The following HIP1 variants were observed in gnomAD, a reference collection of about 807,000 sequenced individuals.
HIP1 encodes huntingtin-interacting protein 1.
Under a neutral mutation model 147.6 loss-of-function variants are expected in HIP1, and 65 were observed. That is an observed-to-expected ratio of 0.44 (90% CI 0.36 to 0.54). The LOEUF (loss-of-function observed/expected upper bound fraction) is 0.54, where lower values mean the gene tolerates loss of function less well. HIP1 is among the 20% of genes least tolerant of loss of function. The probability of loss-of-function intolerance (pLI) is 0.00; values close to 1 mark genes in which losing one functional copy is unlikely to be tolerated. For synonymous variants in HIP1, 479 were observed against 504.0 expected, an observed-to-expected ratio of 0.95 and a Z score of 0.67; for missense variants, 1,061 against 1,299.6, an observed-to-expected ratio of 0.82 and a Z score of 2.82.
At chr7:75,645,426 C>T (rs781931926) in intron 1 of HIP1, among the ~76,000 whole-genome samples, 1 of 152,036 alleles carries the variant, frequency 6.6e-6, no homozygotes, top group African/African-American at 2.4e-5. Flanking sequence ...GGGGTTTCAC[C>T]ATGTGGGCCA....
Position 75,567,679 on chromosome 7 carries a change from T to C in HIP1, c.803+520A>G, listed in dbSNP as rs587676656. ...AGCTGGGCATGGTGGTGTGTGCCTG[T>C]AGTCTCAGCTACTCGAGAGGCTGAT... On this transcript the variant is annotated intron_variant, in intron 9 of 30. Transcript: ENST00000336926. Among the ~76,000 whole-genome samples the C allele has an allele frequency of 1.6e-4, 24 of 151,696 alleles. No homozygotes were observed. The South Asian group carries it at 2.1e-3, about 13-fold the overall frequency.
In HIP1 at chr7:75,538,160, G is replaced by A. The variant is rs1554489146; in HGVS notation, c.*12C>T. ...AAGGATTTACACTGACATATGGGGT[G>A]TTGGTTTGGCTCTATTCTTTTTCGG... On this transcript the variant is annotated 3_prime_UTR_variant, in exon 31 of 31. Coordinates refer to ENST00000336926, the MANE Select transcript of HIP1 (RefSeq NM_005338.7). 6.2e-7 allele frequency: 1 copy of A among 1,604,976 alleles called. No individual in the cohort carries two copies. The highest frequency in any genetic ancestry group is 8.5e-7 in the Non-Finnish European group (1 of 1,171,816).
At chr7:75,676,204 C>T (rs62475558) in intron 1 of HIP1, among the ~76,000 whole-genome samples, 18,821 of 152,116 alleles carry the variant, frequency 0.12, 1,286 homozygotes, top group East Asian at 0.19. Context: ...GAATTCTTTG[C>T]GCAGTTAACT....
chr7:75,629,530 C>A (rs908074310), intron 1 of HIP1, among the ~76,000 whole-genome samples: 3 of 146,818 alleles, frequency 2.0e-5, no homozygotes, highest in African/African-American at 7.8e-5. Context: ...CCTTCAATTG[C>A]GGCTCCCCCG....
At chr7:75,555,370 G>A in intron 19 of HIP1, 46 bp downstream of exon 19, 1 of 1,608,974 alleles carries the variant, frequency 6.2e-7, no homozygotes, top group Non-Finnish European at 8.5e-7. Flanking sequence ...CAGAGTCTCA[G>A]GCTGTAAGGA....
At chr7:75,731,922 G>A (rs1426710378) in intron 1 of HIP1, among the ~76,000 whole-genome samples, 2 of 152,006 alleles carry the variant, frequency 1.3e-5, no homozygotes, top group East Asian at 1.9e-4. Flanking sequence ...CTTATGCAGG[G>A]GGCCCAGAGA....
intron 1 of HIP1, among the ~76,000 whole-genome samples, chr7:75,607,983 C>A (rs1218351084): frequency 6.6e-6 from 1 of 152,144 alleles, no homozygotes; most frequent in Non-Finnish European, 1.5e-5. Flanking sequence ...CACAAGGGAG[C>A]CGTGACTCAA....
chr7:75,709,811 T>C (rs1386603818), intron 1 of HIP1, among the ~76,000 whole-genome samples: 4 of 152,222 alleles, frequency 2.6e-5, no homozygotes, highest in African/African-American at 7.2e-5. Context: ...TGACGTCTGC[T>C]GTGGGTTGTT....
In HIP1 at chr7:75,683,351, G is replaced by T. The variant is rs996854349; in HGVS notation, c.120+55450C>A. The stretch of plus-strand genomic sequence containing the variant: ...CTGGATGGGGGCTTTTTGACCAAAT[G>T]AGCTGTAATGGTCCCTTGTGACCCC... On this transcript the variant is annotated intron_variant, in intron 1 of 30. Transcript: ENST00000336926. 1.5e-4 allele frequency among the ~76,000 whole-genome samples: 23 copies of T among 152,080 alleles called. 1 individual carries two copies. The highest frequency in any genetic ancestry group is 5.2e-4 in the Admixed American group (8 of 15,246).
At chr7:75,645,996 G>T (rs1449683973) in intron 1 of HIP1, among the ~76,000 whole-genome samples, 5 of 152,122 alleles carry the variant, frequency 3.3e-5, no homozygotes, top group Non-Finnish European at 7.4e-5. Context: ...CTCACTATCC[G>T]GATGATGGAT....
chr7:75,599,125 A>T (rs1796874650), intron 2 of HIP1, 59 bp downstream of exon 2: 1 of 1,304,482 alleles, frequency 7.7e-7, no homozygotes, highest in Non-Finnish European at 1.1e-6. Context: ...CCCTGACCTC[A>T]GTCCCCATGA....
chr7:75,568,199 T>G lies in HIP1; in HGVS notation c.803A>C (p.Lys268Thr). 2 of 1,609,286 alleles carry G rather than the reference T, an allele frequency of 1.2e-6. No individual in the cohort carries two copies. Among genetic ancestry groups the G allele is most frequent in the Non-Finnish European group, 1.7e-6 (2 of 1,175,666 alleles). ...HRDRFMEQFT[K>T]LKDLFYRSSN... ...CATTCCTGTTACTTGAACCACTTAC[T>G]TTGTAAACTGCTCCATGAAGCGGTC... Residue 268 changes from lysine to threonine, a missense_variant and splice_region_variant, in exon 9 of 31, where the codon AAG (lysine) becomes ACG (threonine). By Grantham distance (78) the Lys-to-Thr change is moderately conservative. Around this residue, in one of 3 missense-constraint regions of HIP1, gnomAD observed 26 missense variants for 59.9 expected, o/e 0.43. Coordinates refer to ENST00000336926, the MANE Select transcript of HIP1 (RefSeq NM_005338.7). The surrounding 1 kb of genome is among the most constrained non-coding windows in gnomAD (Gnocchi z 4.1).
intron 1 of HIP1, among the ~76,000 whole-genome samples, chr7:75,684,447 CAAA>C (rs59055803): frequency 2.3e-5 from 1 of 43,840 alleles, no homozygotes; most frequent in African/African-American, 8.2e-5. Flanking sequence ...GACTCCGTCT[CAAA>C]AAAAAAAAAA....
intron 23 of HIP1, 65 bp downstream of exon 23, chr7:75,548,826 G>T: frequency 8.6e-7 from 1 of 1,161,622 alleles, no homozygotes; most frequent in Non-Finnish European, 1.3e-6. Flanking sequence ...CATGTTTAAT[G>T]AGCAGTGTTG....
chr7:75,709,149 G>T lies in HIP1; in HGVS notation c.120+29652C>A, dbSNP rs1402028991. On this transcript the variant is annotated intron_variant, in intron 1 of 30. Coordinates refer to ENST00000336926, the MANE Select transcript of HIP1 (RefSeq NM_005338.7). ...TTACTTTTTTTTGAGATGGAGTTTTGTTGCCCAGGCTGGAGTGCAATGGCC... is the reference window on the plus strand; with the variant it reads ...TTACTTTTTTTTGAGATGGAGTTTTTTTGCCCAGGCTGGAGTGCAATGGCC... 2.6e-3 allele frequency among the ~76,000 whole-genome samples: 208 copies of T among 78,964 alleles called. 1 individual carries two copies. Among genetic ancestry groups the T allele is most frequent in the Non-Finnish European group, 3.9e-3 (161 of 40,772 alleles). 51.8% of individuals were successfully genotyped at this position (78,964 alleles called of 152,430 possible). A position where few individuals can be genotyped will look rare whatever the true frequency, so the allele number is the denominator to read the frequency against.
At chr7:75,645,959 T>C (rs2117174203) in intron 1 of HIP1, among the ~76,000 whole-genome samples, 1 of 152,276 alleles carries the variant, frequency 6.6e-6, no homozygotes, top group Admixed American at 6.5e-5. Context: ...GGGACAAGTG[T>C]TGAAAAACTA....
intron 5 of HIP1, among the ~76,000 whole-genome samples, chr7:75,585,284 A>C (rs1447718536): frequency 1.3e-5 from 2 of 151,300 alleles, no homozygotes; most frequent in Non-Finnish European, 2.9e-5. Context: ...TCCCAGGTTC[A>C]AGCGATTCTC....
At chr7:75,639,482 C>A (rs982330464) in intron 1 of HIP1, among the ~76,000 whole-genome samples, 1 of 151,858 alleles carries the variant, frequency 6.6e-6, no homozygotes, top group Admixed American at 6.6e-5. Context: ...ATTTGAATAA[C>A]AAAAGGTGGC....
At chr7:75,611,664 A>G in intron 1 of HIP1, 12 of 1,021,870 alleles carry the variant, frequency 1.2e-5, no homozygotes, top group Non-Finnish European at 1.4e-5. Flanking sequence ...TGGGTGTCTC[A>G]CCTCTGGAGG....
Sources: gnomAD v4.1 joint callset for allele counts (sites outside exome capture counted in the v4.1 genomes callset) on GRCh38, gnomAD v4.1.1 for gene constraint, gnomAD v4.1.1 regional missense constraint, Gnocchi (gnomAD v3.1) non-coding constraint, MANE v1.5 for transcripts, NCBI Gene and HGNC (gene_info 2026-07-23, HGNC 2026-07-21) for gene names.